The following LRRC7 variants were observed in gnomAD, a reference collection of about 807,000 sequenced individuals.
The protein encoded by LRRC7 is leucine rich repeat containing 7, also known as leucine-rich repeat-containing protein 7.
In LRRC7, 23 loss-of-function variants were observed where a neutral mutation model predicts 175.7. The ratio of observed to expected loss-of-function variants is 0.13; its 90% confidence interval spans 0.09 to 0.19. The LOEUF is 0.19. LRRC7 is among the 10% of genes least tolerant of loss of function. LRRC7 has a pLI of 1.00. For missense variants in LRRC7, 1,354 were observed against 1,904.7 expected, an observed-to-expected ratio of 0.71 and a Z score of 5.38; for synonymous variants, 685 against 680.9, an observed-to-expected ratio of 1.01 and a Z score of -0.09.
At chr1:69,966,289 C>T (rs1046822227) in intron 8 of LRRC7, among the ~76,000 whole-genome samples, 5 of 152,062 alleles carry the variant, frequency 3.3e-5, no homozygotes, top group Non-Finnish European at 7.4e-5. Flanking sequence ...ATTCTGTTGC[C>T]TTCCAGTTGT....
chr1:69,967,530 A>G (rs1651782893), intron 8 of LRRC7, among the ~76,000 whole-genome samples: 1 of 152,134 alleles, frequency 6.6e-6, no homozygotes. Context: ...CACCAAAGCT[A>G]AGGAACCTCA....
At chr1:69,919,207 C>T (rs1646807360) in intron 7 of LRRC7, 2 of 288,702 alleles carry the variant, frequency 6.9e-6, no homozygotes, top group Admixed American at 1.0e-4. Context: ...GTTTCAGGCT[C>T]TGCAGTCCAT....
At chr1:70,121,285 A>G (rs1452229528) in intron 26 of LRRC7, among the ~76,000 whole-genome samples, 1 of 152,096 alleles carries the variant, frequency 6.6e-6, no homozygotes, top group Non-Finnish European at 1.5e-5. Flanking sequence ...TCTCTAATGT[A>G]AAAGTGTATA....
intron 7 of LRRC7, among the ~76,000 whole-genome samples, chr1:69,910,040 C>G: frequency 6.6e-6 from 1 of 152,190 alleles, no homozygotes; most frequent in East Asian, 1.9e-4. Flanking sequence ...ATCACTGATA[C>G]CCTTTCTTCC....
intron 5 of LRRC7, among the ~76,000 whole-genome samples, chr1:69,834,323 C>T (rs186333189): frequency 4.4e-4 from 67 of 152,194 alleles, no homozygotes; most frequent in Non-Finnish European, 8.4e-4. Flanking sequence ...CAACTTTAGT[C>T]ATCGCTGTAA....
chr1:69,856,440 G>A (rs1279532994), intron 7 of LRRC7, among the ~76,000 whole-genome samples: 2 of 152,066 alleles, frequency 1.3e-5, no homozygotes, highest in Non-Finnish European at 2.9e-5. Context: ...TACCACTACT[G>A]ATCCCACAGA....
chr1:69,944,166 GCTTT>G (rs1649052386), intron 8 of LRRC7, among the ~76,000 whole-genome samples: 1 of 151,952 alleles, frequency 6.6e-6, no homozygotes, highest in African/African-American at 2.4e-5. Context: ...CCACCATTCT[GCTTT>G]CTGCTTCTAT....
At chr1:69,631,531 A>T (rs964895046) in intron 1 of LRRC7, among the ~76,000 whole-genome samples, 1 of 152,054 alleles carries the variant, frequency 6.6e-6, no homozygotes, top group Non-Finnish European at 1.5e-5. Flanking sequence ...TTTGTTTGAC[A>T]TCATTATGGC....
chr1:69,834,709 G>A (rs1680915087), intron 5 of LRRC7, 71 bp from the exon 6 acceptor site: 1 of 1,096,376 alleles, frequency 9.1e-7, no homozygotes. Flanking sequence ...TCTCCTCAGA[G>A]ATACATATTT....
chr1:69,804,585 A>G (rs1260710283), intron 4 of LRRC7, among the ~76,000 whole-genome samples: 2 of 151,654 alleles, frequency 1.3e-5, no homozygotes, highest in East Asian at 1.9e-4. Context: ...TTAGCTAGCC[A>G]GCTATCTAGA....
In LRRC7 at chr1:69,918,686, G is replaced by A. The variant is rs115443305; in HGVS notation, c.648-12821G>A. On this transcript the variant is annotated intron_variant, in intron 7 of 26. Coordinates refer to ENST00000651989, the MANE Select transcript of LRRC7 (RefSeq NM_001370785.2). The stretch of plus-strand genomic sequence containing the variant: ...ATGTAATATTTTAAAGGTACAAAAC[G>A]TAGGGAAACAGCAGAAAGACAACTT... Among the ~76,000 whole-genome samples the A allele has an allele frequency of 5.5e-3, 843 of 152,180 alleles. 8 individuals are homozygous for A. Among genetic ancestry groups the A allele is most frequent in the African/African-American group, 0.019 (795 of 41,518 alleles).
intron 23 of LRRC7, among the ~76,000 whole-genome samples, chr1:70,071,983 G>A (rs1662424276): frequency 1.3e-5 from 2 of 152,094 alleles, no homozygotes; most frequent in East Asian, 3.9e-4. Context: ...TGAATTTTGC[G>A]TGAACAGTGC....
intron 24 of LRRC7, among the ~76,000 whole-genome samples, chr1:70,087,055 C>T (rs1663669409): frequency 6.6e-6 from 1 of 152,186 alleles, no homozygotes; most frequent in Admixed American, 6.5e-5. Flanking sequence ...AGCCTCAGAT[C>T]AGAATTTATG....
At chr1:69,824,288 T>A (rs937365719) in intron 4 of LRRC7, among the ~76,000 whole-genome samples, 5 of 152,146 alleles carry the variant, frequency 3.3e-5, no homozygotes, top group African/African-American at 1.2e-4. Flanking sequence ...TTGAAGATAT[T>A]TAAAGAATTT....
chr1:69,568,712 GAGGT>G, intron 1 of LRRC7, 71 bp downstream of exon 1: 1 of 1,209,232 alleles, frequency 8.3e-7, no homozygotes, highest in Non-Finnish European at 1.1e-6. Flanking sequence ...GTAGGCGCGC[GAGGT>G]GTGGGACCCC....
chr1:69,668,423 G>T (rs1399608057), intron 1 of LRRC7, among the ~76,000 whole-genome samples: 1 of 152,034 alleles, frequency 6.6e-6, no homozygotes, highest in African/African-American at 2.4e-5. Flanking sequence ...GTGTTAGTTT[G>T]CTGAGAATGA....
intron 2 of LRRC7, among the ~76,000 whole-genome samples, chr1:69,726,746 A>C (rs2100801469): frequency 6.6e-6 from 1 of 152,236 alleles, no homozygotes; most frequent in African/African-American, 2.4e-5. Flanking sequence ...TGAAAATGTA[A>C]GAGGGCCAGA....
At chr1:69,697,033 G>A (rs1311226229) in intron 2 of LRRC7, among the ~76,000 whole-genome samples, 1 of 152,072 alleles carries the variant, frequency 6.6e-6, no homozygotes, top group African/African-American at 2.4e-5. Flanking sequence ...TCAGATCTGG[G>A]TCTATCCTTT....
intron 4 of LRRC7, among the ~76,000 whole-genome samples, chr1:69,803,595 T>C (rs572616726): frequency 3.3e-5 from 5 of 151,572 alleles, no homozygotes; most frequent in African/African-American, 1.2e-4. Flanking sequence ...TGATTTTACA[T>C]TGAGCTACAG....
Sources: allele counts gnomAD v4.1 joint callset (sites outside exome capture counted in the v4.1 genomes callset), GRCh38; gene constraint gnomAD v4.1.1; transcripts MANE v1.5; gene names NCBI Gene and HGNC (gene_info 2026-07-23, HGNC 2026-07-21).